The following RORB variants were observed in gnomAD, a reference collection of about 807,000 sequenced individuals.
RORB encodes the protein nuclear receptor ROR-beta.
A neutral mutation model predicts 59.1 loss-of-function variants in RORB; 6 were observed. That is an observed-to-expected ratio of 0.10 (90% CI 0.06 to 0.20). RORB has a LOEUF of 0.20. Ranked by LOEUF, RORB falls within the 10% of genes least tolerant of loss-of-function variation. RORB has a pLI of 1.00. For missense variants in RORB, 320 were observed against 560.5 expected, an observed-to-expected ratio of 0.57 and a Z score of 4.33; for synonymous variants, 215 against 204.5, an observed-to-expected ratio of 1.05 and a Z score of -0.44.
Position 74,646,561 on chromosome 9 carries a change from T to C in RORB, c.637+3746T>C, listed in dbSNP as rs145643184. On this transcript the variant is annotated intron_variant, in intron 4 of 9. Transcript: ENST00000376896. ...AAATCATTTCATGCATTTTAGTCAT[T>C]TTGAGCCTCACACCAGTTCCTTCAG... is the stretch of plus-strand genomic sequence containing the variant. Among the ~76,000 whole-genome samples, 1,017 of 152,318 alleles carry C rather than the reference T, an allele frequency of 6.7e-3. 4 individuals carry two copies. Among genetic ancestry groups the C allele is most frequent in the Middle Eastern group, 0.024 (7 of 294 alleles).
rs150607312 is a variant in RORB at position 74,587,023 on chromosome 9, T to C, written c.8-43259T>C. Among the ~76,000 whole-genome samples, 84 of 152,322 alleles carry C rather than the reference T, an allele frequency of 5.5e-4. No individual in the cohort carries two copies. The East Asian group carries it at 0.015, about 27-fold the overall frequency. ...AGCTGGTACTGCCTTACAGATCAGA[T>C]TGTTTAACTTTGGATTTTAACTTTC... On this transcript the variant is annotated intron_variant, in intron 1 of 9. Transcript: ENST00000376896.
In RORB at chr9:74,639,582, T is replaced by C. The variant is rs184115892; in HGVS notation, c.236-2832T>C. On this transcript the variant is annotated intron_variant, in intron 3 of 9. Transcript: ENST00000376896. Reference sequence around the variant, plus strand: ...TCTTATTCTCAATCTTTAATTCCTATAAATTTTGAACCAATAAAATGCAAA... The same window carrying C: ...TCTTATTCTCAATCTTTAATTCCTACAAATTTTGAACCAATAAAATGCAAA... Among the ~76,000 whole-genome samples, 95 of 152,268 alleles carry C rather than the reference T, an allele frequency of 6.2e-4. 1 individual carries two copies. In the Middle Eastern group the frequency reaches 0.024, roughly 38 times the overall value.
intron 4 of RORB, among the ~76,000 whole-genome samples, chr9:74,655,678 C>A (rs1272551126): frequency 1.3e-5 from 2 of 152,140 alleles, no homozygotes; most frequent in African/African-American, 2.4e-5. Context: ...ATTGTCTCTC[C>A]TTTGGCCTTT....
intron 1 of RORB, among the ~76,000 whole-genome samples, chr9:74,511,154 T>TAC (rs1437003982): frequency 6.6e-5 from 10 of 152,194 alleles, no homozygotes; most frequent in African/African-American, 2.2e-4. Flanking sequence ...TCACTGTGTA[T>TAC]ACTATTATAT....
Position 74,627,160 on chromosome 9 carries a change from C to G in RORB, c.8-3122C>G, listed in dbSNP as rs1217942181. ...CTGGCAACAGAGCAAGACTCCATCT[C>G]AAAAAAAAAAAAAAAGTATAAACTA... is the stretch of plus-strand genomic sequence containing the variant. On this transcript the variant is annotated intron_variant, in intron 1 of 9. Transcript: ENST00000376896. Among the ~76,000 whole-genome samples the G allele has an allele frequency of 3.0e-5, 4 of 132,796 alleles. No homozygotes were observed. The East Asian group carries it at 8.7e-4, about 29-fold the overall frequency. The allele number at this position is 132,796 out of a possible 152,430, so 87.1% of individuals were successfully genotyped here.
chr9:74,588,250 G>A (rs1453947917), intron 1 of RORB, among the ~76,000 whole-genome samples: 2 of 152,006 alleles, frequency 1.3e-5, no homozygotes, highest in Non-Finnish European at 2.9e-5. Context: ...CAATTTCCTC[G>A]CCTGGAAATT....
At chr9:74,536,622 T>C in intron 1 of RORB, among the ~76,000 whole-genome samples, 1 of 152,166 alleles carries the variant, frequency 6.6e-6, no homozygotes, top group Middle Eastern at 3.4e-3. Context: ...TTGTTCACTC[T>C]GACTGTCCCG....
At chr9:74,622,999 T>C (rs1377309848) in intron 1 of RORB, among the ~76,000 whole-genome samples, 1 of 152,168 alleles carries the variant, frequency 6.6e-6, no homozygotes, top group East Asian at 1.9e-4. Context: ...TTGAACTCCG[T>C]GTTAACTAAT....
chr9:74,575,238 G>A (rs767709084), intron 1 of RORB, among the ~76,000 whole-genome samples: 5 of 152,004 alleles, frequency 3.3e-5, no homozygotes, highest in Non-Finnish European at 5.9e-5. Flanking sequence ...TTACAAACAA[G>A]GAAACTGAGT....
intron 1 of RORB, among the ~76,000 whole-genome samples, chr9:74,609,698 T>C (rs763004397): frequency 3.3e-5 from 5 of 152,196 alleles, no homozygotes; most frequent in Non-Finnish European, 5.9e-5. Context: ...CATCTCTACT[T>C]CACAGAAGAA....
intron 3 of RORB, among the ~76,000 whole-genome samples, chr9:74,636,544 G>A (rs1187950611): frequency 6.6e-6 from 1 of 152,124 alleles, no homozygotes; most frequent in Non-Finnish European, 1.5e-5. Context: ...TCATTTAACA[G>A]AGCCACAATT....
chr9:74,665,341 T>C, intron 6 of RORB, 147 bp from the exon 7 acceptor site: 3 of 396,060 alleles, frequency 7.6e-6, no homozygotes, highest in Non-Finnish European at 1.3e-5. Flanking sequence ...GATTTCTGTA[T>C]GTGTGTGCCT....
intron 1 of RORB, among the ~76,000 whole-genome samples, chr9:74,510,336 T>C (rs1825919376): frequency 6.6e-6 from 1 of 152,202 alleles, no homozygotes; most frequent in Admixed American, 6.5e-5. Context: ...CTCTTTGTTT[T>C]ACAGCATGTA....
At chr9:74,646,129 C>A (rs1209401386) in intron 4 of RORB, among the ~76,000 whole-genome samples, 5 of 148,358 alleles carry the variant, frequency 3.4e-5, no homozygotes, top group African/African-American at 7.4e-5. Flanking sequence ...TATGTCACAC[C>A]AAAAAAAAAA....
chr9:74,660,175 T>TA (rs535260786), intron 4 of RORB, among the ~76,000 whole-genome samples: 2 of 152,098 alleles, frequency 1.3e-5, no homozygotes, highest in African/African-American at 4.8e-5. Flanking sequence ...ATGCTTCCTT[T>TA]AAAAAAATAA....
intron 1 of RORB, among the ~76,000 whole-genome samples, chr9:74,608,108 A>G (rs891330801): frequency 2.0e-5 from 3 of 152,222 alleles, no homozygotes; most frequent in Non-Finnish European, 1.5e-5. Context: ...GTACTAGAGT[A>G]TCCGCTCAAC....
chr9:74,509,320 AATT>A (rs1161801732), intron 1 of RORB, among the ~76,000 whole-genome samples: 2 of 152,090 alleles, frequency 1.3e-5, no homozygotes, highest in East Asian at 1.9e-4. Flanking sequence ...ATCTTTCCAT[AATT>A]ATTCCCTGGA....
intron 1 of RORB, among the ~76,000 whole-genome samples, chr9:74,510,561 G>A (rs905048122): frequency 2.6e-5 from 4 of 152,000 alleles, no homozygotes; most frequent in Admixed American, 1.3e-4. Context: ...CCTGTGTTTC[G>A]TACTCTATAG....
chr9:74,629,767 C>T (rs1823585179), intron 1 of RORB, among the ~76,000 whole-genome samples: 1 of 152,154 alleles, frequency 6.6e-6, no homozygotes, highest in Non-Finnish European at 1.5e-5. Flanking sequence ...AAATATTGGA[C>T]TGATTTATTA....
Sources: gnomAD v4.1 joint callset for allele counts (sites outside exome capture counted in the v4.1 genomes callset) on GRCh38, gnomAD v4.1.1 for gene constraint, MANE v1.5 for transcripts, NCBI Gene and HGNC (gene_info 2026-07-23, HGNC 2026-07-21) for gene names.